The following ARHGAP10 variants were observed in gnomAD, a reference collection of about 807,000 sequenced individuals.
ARHGAP10 encodes rho GTPase-activating protein 10.
ARHGAP10 carries 87 observed loss-of-function variants against 108.6 expected under a neutral mutation model. The ratio of observed to expected loss-of-function variants is 0.80; its 90% CI spans 0.67 to 0.96. The LOEUF is 0.96. Ranked by LOEUF, ARHGAP10 falls within the 40% of genes least tolerant of loss-of-function variation. The pLI is 0.00. For synonymous variants in ARHGAP10, 347 were observed against 341.1 expected (o/e 1.02, Z -0.19); for missense variants, 939 against 954.5 (o/e 0.98, Z 0.21).
At chr4:147,964,893 C>T (rs1468780586) in intron 16 of ARHGAP10, 131 bp from the exon 17 acceptor site, 10 of 582,636 alleles carry the variant, frequency 1.7e-5, no homozygotes, top group African/African-American at 3.9e-5. Context: ...TTTACATTCT[C>T]CATGTTTGAT....
chr4:147,987,152 T>A (rs1740076712), intron 18 of ARHGAP10, among the ~76,000 whole-genome samples: 1 of 152,240 alleles, frequency 6.6e-6, no homozygotes, highest in South Asian at 2.1e-4. Flanking sequence ...ACATAATATA[T>A]GAAAAACTAA....
chr4:147,948,679 G>A (rs370775139), intron 15 of ARHGAP10, among the ~76,000 whole-genome samples: 13 of 152,056 alleles, frequency 8.5e-5, no homozygotes, highest in Non-Finnish European at 1.3e-4. Context: ...ATTGTAGGCC[G>A]GGCGCGGTGG....
chr4:147,881,967 G>A (rs373578495), intron 10 of ARHGAP10, 35 bp downstream of exon 10: 3 of 1,588,732 alleles, frequency 1.9e-6, no homozygotes, highest in Non-Finnish European at 1.7e-6. Flanking sequence ...TGGTGAAAGA[G>A]TCGTTTTAAA....
chr4:147,895,507 T>C (rs1317410175), intron 10 of ARHGAP10, among the ~76,000 whole-genome samples: 1 of 98,260 alleles, frequency 1.0e-5, no homozygotes, highest in East Asian at 3.0e-4. Flanking sequence ...AATGAGACCC[T>C]GTCTCAAAAA....
intron 18 of ARHGAP10, among the ~76,000 whole-genome samples, chr4:147,980,710 C>T (rs2149626856): frequency 6.6e-6 from 1 of 152,152 alleles, no homozygotes; most frequent in Non-Finnish European, 1.5e-5. Flanking sequence ...GATTCAGTTT[C>T]ATTACTCCAT....
chr4:147,748,826 GC>G (rs1327968292), intron 1 of ARHGAP10, among the ~76,000 whole-genome samples: 1 of 151,996 alleles, frequency 6.6e-6, no homozygotes, highest in Admixed American at 6.6e-5. Context: ...GGGCGTGGGG[GC>G]ACACACCTGT....
In ARHGAP10 at chr4:147,750,622, G is replaced by A. The variant is rs1039776060; in HGVS notation, c.154+18167G>A. Reference sequence around the variant, plus strand: ...ATATCTTTTTTTTTTTTTGGGGGGGGTTGTAATCTCACTCTGTAACCCAGG... The same window carrying A: ...ATATCTTTTTTTTTTTTTGGGGGGGATTGTAATCTCACTCTGTAACCCAGG... On this transcript the variant is annotated intron_variant, in intron 1 of 22. Coordinates refer to ENST00000336498, the MANE Select transcript of ARHGAP10 (RefSeq NM_024605.4). Among the ~76,000 whole-genome samples the A allele has an allele frequency of 2.0e-5, 3 of 151,124 alleles. No individual in the cohort carries two copies. The East Asian group carries it at 5.9e-4, about 30-fold the overall frequency.
chr4:147,965,914 AGAGTAAGGG>A lies in ARHGAP10; in HGVS notation c.1557-763_1557-755del, dbSNP rs576556484. 2.4e-3 allele frequency among the ~76,000 whole-genome samples: 364 copies of A among 152,372 alleles called. 2 individuals are homozygous for A. The highest frequency in any genetic ancestry group is 8.4e-3 in the African/African-American group (350 of 41,592). On this transcript the variant is annotated intron_variant, in intron 17 of 22. Coordinates refer to ENST00000336498, the MANE Select transcript of ARHGAP10 (RefSeq NM_024605.4). ...ATGATAAATAGCAAAAACACAAAGC[AGAGTAAGGG>A]GACAGAATATATTGAGTGTGAGACT...
intron 18 of ARHGAP10, among the ~76,000 whole-genome samples, chr4:148,020,541 T>A (rs1405515405): frequency 6.7e-6 from 1 of 149,254 alleles, no homozygotes; most frequent in Non-Finnish European, 1.5e-5. Context: ...GAACATGCGT[T>A]TTTTGTTTTT....
rs373461349 is a variant in ARHGAP10 at position 147,960,462 on chromosome 4, C to T, written c.1451-4562C>T. Among the ~76,000 whole-genome samples the T allele has an allele frequency of 2.2e-4, 34 of 151,992 alleles. No individual in the cohort carries two copies. The East Asian group carries it at 2.9e-3, about 13-fold the overall frequency. On this transcript the variant is annotated intron_variant, in intron 16 of 22. Transcript: ENST00000336498. ...TTCATAAAATCGATGGTAAGGTGTT[C>T]CATTTAATGACACTGAAAAATATCT...
At chr4:147,734,816 C>CAG (rs956256577) in intron 1 of ARHGAP10, among the ~76,000 whole-genome samples, 1 of 152,254 alleles carries the variant, frequency 6.6e-6, no homozygotes, top group South Asian at 2.1e-4. Context: ...TGTATAACAT[C>CAG]AGAGAGTCAA....
At chr4:147,828,994 T>A (rs1236087809) in intron 3 of ARHGAP10, among the ~76,000 whole-genome samples, 1 of 151,434 alleles carries the variant, frequency 6.6e-6, no homozygotes, top group Non-Finnish European at 1.5e-5. Flanking sequence ...TTTTCCTGCC[T>A]CAGCCTCCCC....
intron 12 of ARHGAP10, among the ~76,000 whole-genome samples, chr4:147,910,190 A>G (rs375888578): frequency 6.6e-6 from 1 of 151,424 alleles, no homozygotes; most frequent in African/African-American, 2.4e-5. Flanking sequence ...TTTATTTTTA[A>G]TTTTTTTGTT....
chr4:147,918,924 A>G (rs183082433), intron 13 of ARHGAP10, among the ~76,000 whole-genome samples: 4 of 152,170 alleles, frequency 2.6e-5, no homozygotes, highest in Admixed American at 2.0e-4. Context: ...TTGGGACCTT[A>G]CTCTCTCATA....
At chr4:147,783,210 A>T (rs1461574603) in intron 1 of ARHGAP10, among the ~76,000 whole-genome samples, 2 of 144,944 alleles carry the variant, frequency 1.4e-5, no homozygotes, top group African/African-American at 5.0e-5. Context: ...TATATAACAC[A>T]TTAAATTATG....
At chr4:147,758,104 A>G (rs1729453896) in intron 1 of ARHGAP10, among the ~76,000 whole-genome samples, 1 of 152,184 alleles carries the variant, frequency 6.6e-6, no homozygotes, top group Non-Finnish European at 1.5e-5. Flanking sequence ...CCATACTGAA[A>G]ATACAAAAAT....
At chr4:147,957,040 G>A (rs2575581) in intron 16 of ARHGAP10, among the ~76,000 whole-genome samples, 11,153 of 152,132 alleles carry the variant, frequency 0.073, 916 homozygotes, top group African/African-American at 0.2. Context: ...TTGCAGAAAC[G>A]CAGACAAGAT....
chr4:147,849,442 T>G (rs1232855838), intron 4 of ARHGAP10, among the ~76,000 whole-genome samples: 1 of 152,220 alleles, frequency 6.6e-6, no homozygotes, highest in Non-Finnish European at 1.5e-5. Flanking sequence ...TGATTAAATC[T>G]GCTTACATGG....
At chr4:148,015,075 C>G (rs909331264) in intron 18 of ARHGAP10, among the ~76,000 whole-genome samples, 11 of 152,148 alleles carry the variant, frequency 7.2e-5, no homozygotes, top group African/African-American at 2.7e-4. Context: ...CTGCCTTTCT[C>G]TAGTCTCCTG....
Sources: gnomAD v4.1 joint callset for allele counts (sites outside exome capture counted in the v4.1 genomes callset) on GRCh38, gnomAD v4.1.1 for gene constraint, MANE v1.5 for transcripts, NCBI Gene and HGNC (gene_info 2026-07-23, HGNC 2026-07-21) for gene names.